The following ADGRV1 variants were observed in gnomAD, a reference collection of about 807,000 sequenced individuals.
The protein encoded by ADGRV1 is G-protein coupled receptor 98.
A neutral mutation model predicts 596.2 loss-of-function variants in ADGRV1; 359 were observed. That is an observed-to-expected ratio of 0.60 (90% CI 0.55 to 0.66). ADGRV1 has a LOEUF of 0.66. Among genes scored for constraint, ADGRV1 ranks in the 30% least tolerant of loss-of-function variants. The pLI is 0.00. For missense variants in ADGRV1, 7,274 were observed against 7,575.6 expected, an observed-to-expected ratio of 0.96 and a Z score of 1.48; for synonymous variants, 2,681 against 2,679.2, an observed-to-expected ratio of 1.00 and a Z score of -0.02.
At chr5:91,021,453 G>C (rs555186647) in intron 85 of ADGRV1, among the ~76,000 whole-genome samples, 43 of 152,192 alleles carry the variant, frequency 2.8e-4, no homozygotes, top group African/African-American at 1.0e-3. Flanking sequence ...ATGGTTTAAT[G>C]AGCTCAGTTT....
intron 1 of ADGRV1, among the ~76,000 whole-genome samples, chr5:90,561,345 T>A (rs1754804928): frequency 6.6e-6 from 1 of 152,126 alleles, no homozygotes; most frequent in Non-Finnish European, 1.5e-5. Flanking sequence ...AAAAGAGACC[T>A]AGAACAGTTA....
intron 83 of ADGRV1, among the ~76,000 whole-genome samples, chr5:90,889,678 T>G (rs1286193075): frequency 1.3e-5 from 2 of 152,106 alleles, no homozygotes; most frequent in Admixed American, 6.6e-5. Flanking sequence ...TCCATGAAAT[T>G]TTTTTGTGCA....
intron 75 of ADGRV1, among the ~76,000 whole-genome samples, chr5:90,819,259 A>T (rs1763229760): frequency 6.6e-6 from 1 of 151,404 alleles, no homozygotes; most frequent in South Asian, 2.1e-4. Flanking sequence ...ATTGGTGGTG[A>T]TATCCCCTTT....
At chr5:90,845,777 G>C (rs7735712) in intron 78 of ADGRV1, among the ~76,000 whole-genome samples, 18,489 of 151,934 alleles carry the variant, frequency 0.12, 2,043 homozygotes, top group African/African-American at 0.28. Flanking sequence ...TTTATATATA[G>C]AATTATATCT....
intron 86 of ADGRV1, among the ~76,000 whole-genome samples, chr5:91,080,588 C>CAAAAAAAAAAAAAAAAAAAA (rs10696264): frequency 1.2e-5 from 1 of 84,486 alleles, no homozygotes. Flanking sequence ...GCACACCCTG[C>CAAAAAAAAAAAAAAAAAAAA]AAAAAAAAAA....
intron 85 of ADGRV1, among the ~76,000 whole-genome samples, chr5:91,051,280 C>A (rs1469298281): frequency 6.6e-6 from 1 of 152,094 alleles, no homozygotes; most frequent in Non-Finnish European, 1.5e-5. Context: ...AACAGTTTTC[C>A]AACTTTAGAA....
chr5:90,738,241 A>T (rs1222416942), intron 50 of ADGRV1, among the ~76,000 whole-genome samples: 1 of 152,090 alleles, frequency 6.6e-6, no homozygotes, highest in East Asian at 1.9e-4. Flanking sequence ...TATGATTTTG[A>T]TCTCAGAATT....
chr5:90,644,400 T>G (rs1229701259), intron 14 of ADGRV1, among the ~76,000 whole-genome samples: 1 of 152,242 alleles, frequency 6.6e-6, no homozygotes, highest in East Asian at 1.9e-4. Flanking sequence ...TTTTAGCAGA[T>G]ATCCTTACAG....
At chr5:90,668,456 A>G (rs529555930) in intron 21 of ADGRV1, among the ~76,000 whole-genome samples, 84 of 151,828 alleles carry the variant, frequency 5.5e-4, no homozygotes, top group Middle Eastern at 3.4e-3. Flanking sequence ...GCAATGCCTC[A>G]CCCTGCTTCG....
rs61307293 is a variant in ADGRV1 at position 90,592,393 on chromosome 5, T to C, written c.23-22442T>C. On this transcript the variant is annotated intron_variant, in intron 1 of 89. Transcript: ENST00000405460. The stretch of plus-strand genomic sequence containing the variant: ...ACCAAACATTGTATGTTCTCATTCA[T>C]AAGTGGGAGCTAAGCTATGAGGACG... Among the ~76,000 whole-genome samples the C allele has an allele frequency of 3.7e-3, 564 of 152,326 alleles. 7 individuals are homozygous for C. The highest frequency in any genetic ancestry group is 0.013 in the African/African-American group (541 of 41,564).
intron 83 of ADGRV1, among the ~76,000 whole-genome samples, chr5:90,921,585 C>T (rs553917946): frequency 3.7e-4 from 56 of 152,194 alleles, no homozygotes; most frequent in African/African-American, 1.3e-3. Flanking sequence ...TTTTCTTTAA[C>T]TCAAATAATG....
intron 85 of ADGRV1, among the ~76,000 whole-genome samples, chr5:91,046,501 T>C (rs933233675): frequency 2.0e-5 from 3 of 152,132 alleles, no homozygotes; most frequent in Non-Finnish European, 4.4e-5. Flanking sequence ...TCACCTTATA[T>C]AGAAATAAAC....
intron 67 of ADGRV1, among the ~76,000 whole-genome samples, chr5:90,787,842 C>T (rs1017152089): frequency 3.3e-5 from 5 of 151,828 alleles, no homozygotes; most frequent in East Asian, 3.9e-4. Flanking sequence ...CTGCCCGCCT[C>T]GGCCTCCCAA....
intron 2 of ADGRV1, among the ~76,000 whole-genome samples, chr5:90,616,634 T>C (rs983710757): frequency 6.6e-6 from 1 of 152,158 alleles, no homozygotes; most frequent in Non-Finnish European, 1.5e-5. Flanking sequence ...TATTTTAATA[T>C]TTGTATACAA....
intron 42 of ADGRV1, among the ~76,000 whole-genome samples, chr5:90,713,188 G>C (rs1209410807): frequency 6.6e-6 from 1 of 151,980 alleles, no homozygotes; most frequent in East Asian, 1.9e-4. Context: ...ATTTTAGTTT[G>C]ATGAATATTT....
chr5:90,979,366 C>T (rs1034535229), intron 84 of ADGRV1, among the ~76,000 whole-genome samples: 2 of 151,992 alleles, frequency 1.3e-5, no homozygotes, highest in African/African-American at 4.8e-5. Context: ...GACGGGGTTT[C>T]CCTATGTTGC....
chr5:90,676,225 C>T lies in ADGRV1; in HGVS notation c.5443+16C>T. On this transcript the variant is annotated intron_variant, in intron 25 of 89. Coordinates refer to ENST00000405460, the MANE Select transcript of ADGRV1 (RefSeq NM_032119.4). ...GAAGGAGGAGGTAAGGCTGGTGATT[C>T]AAAAATGTTAAATATTTGCTTGTCT... 2 of 1,588,840 alleles carry T rather than the reference C, an allele frequency of 1.3e-6. No individual in the cohort carries two copies. Among genetic ancestry groups the T allele is most frequent in the Non-Finnish European group, 1.7e-6 (2 of 1,170,204 alleles).
At chr5:90,864,881 A>G (rs1767947398) in intron 83 of ADGRV1, among the ~76,000 whole-genome samples, 1 of 152,146 alleles carries the variant, frequency 6.6e-6, no homozygotes, top group Non-Finnish European at 1.5e-5. Flanking sequence ...ATATGTGTGT[A>G]TTGAATTTGT....
intron 30 of ADGRV1, among the ~76,000 whole-genome samples, 183 bp from the exon 31 acceptor site, chr5:90,690,611 AAAT>A (rs2149619952): frequency 6.6e-6 from 1 of 152,274 alleles, no homozygotes; most frequent in Non-Finnish European, 1.5e-5. Flanking sequence ...TCACAGTGAA[AAAT>A]AATTTGGAAA....
Sources: allele counts gnomAD v4.1 joint callset (sites outside exome capture counted in the v4.1 genomes callset), GRCh38; gene constraint gnomAD v4.1.1; transcripts MANE v1.5; gene names NCBI Gene and HGNC (gene_info 2026-07-23, HGNC 2026-07-21).